Variants in SRPK1 observed in about 807,000 individuals in gnomAD.
SRPK1 encodes SRSF protein kinase 1, also known as SFRS protein kinase 1.
In SRPK1, 52 loss-of-function variants were observed where a neutral mutation model predicts 89.5. The ratio of observed to expected loss-of-function variants is 0.58; its 90% CI spans 0.46 to 0.73. The LOEUF is 0.73. Ranked by LOEUF, SRPK1 falls within the 30% of genes least tolerant of loss-of-function variation. SRPK1 has a pLI of 0.00. For synonymous variants in SRPK1, 255 were observed against 270.2 expected (o/e 0.94, Z 0.55); for missense variants, 603 against 780.6 (o/e 0.77, Z 2.71).
intron 13 of SRPK1, among the ~76,000 whole-genome samples, chr6:35,845,338 A>T (rs1769404886): frequency 6.6e-6 from 1 of 152,170 alleles, no homozygotes; most frequent in Non-Finnish European, 1.5e-5. Flanking sequence ...ACAGTTGGGG[A>T]GGCTCTGTGT....
intron 14 of SRPK1, among the ~76,000 whole-genome samples, chr6:35,842,100 A>G (rs1473326997): frequency 6.6e-6 from 1 of 152,234 alleles, no homozygotes; most frequent in Non-Finnish European, 1.5e-5. Context: ...AAAGAATGCT[A>G]AATTTTGGCA....
intron 14 of SRPK1, 51 bp from the exon 15 acceptor site, chr6:35,838,480 G>C: frequency 6.8e-7 from 1 of 1,478,992 alleles, no homozygotes; most frequent in Non-Finnish European, 9.1e-7. Flanking sequence ...TCCGTAACAA[G>C]AGTAACAAAT....
intron 7 of SRPK1, among the ~76,000 whole-genome samples, chr6:35,873,061 T>C (rs1312401369): frequency 6.6e-6 from 1 of 152,138 alleles, no homozygotes; most frequent in Non-Finnish European, 1.5e-5. Flanking sequence ...CTGACAGACA[T>C]TTAGATATCT....
chr6:35,845,906 G>C (rs1769416333), intron 13 of SRPK1, among the ~76,000 whole-genome samples: 1 of 152,172 alleles, frequency 6.6e-6, no homozygotes, highest in Non-Finnish European at 1.5e-5. Flanking sequence ...ATTAAGAAAG[G>C]CTGAAGTGCT....
At position 35,838,381 on chromosome 6, in the gene SRPK1, A is replaced by C; in HGVS notation, c.1739T>G (p.Leu580Arg). 6.3e-7 allele frequency: 1 copy of C among 1,581,646 alleles called. No homozygotes were observed. Among genetic ancestry groups the C allele is most frequent in the Non-Finnish European group, 8.5e-7 (1 of 1,171,776 alleles). Residue 580 changes from leucine to arginine, a missense_variant, in exon 15 of 16, where the codon CTC becomes CGC. Transcript: ENST00000373825. ...CTTGGAATATTTTCCTGCCACAATG[A>C]GCTTGCGAGGCACCTTCCCCAGAAG... ...IELLGKVPRK[L>R]IVAGKYSKEF...
chr6:35,877,444 G>C (rs570722751), intron 6 of SRPK1, among the ~76,000 whole-genome samples: 1 of 152,156 alleles, frequency 6.6e-6, no homozygotes, highest in African/African-American at 2.4e-5. Flanking sequence ...AACTGACTTA[G>C]AACCATCACA....
chr6:35,846,992 G>A (rs1175630246), intron 13 of SRPK1, among the ~76,000 whole-genome samples: 4 of 152,128 alleles, frequency 2.6e-5, no homozygotes, highest in Non-Finnish European at 5.9e-5. Context: ...AGGTATAGAA[G>A]GAATGTACCT....
intron 6 of SRPK1, among the ~76,000 whole-genome samples, chr6:35,880,746 A>AAAAAAAAAAAAAAAAAAAGAAAG (rs1770263877): frequency 2.2e-5 from 2 of 89,200 alleles, no homozygotes; most frequent in Admixed American, 1.2e-4. Context: ...AAAAAAAAAA[A>AAAAAAAAAAAAAAAAAAAGAAAG]AAAAGAAAAG....
chr6:35,838,300 T>C, intron 15 of SRPK1, 37 bp downstream of exon 15: 1 of 1,426,654 alleles, frequency 7.0e-7, no homozygotes, highest in Non-Finnish European at 9.4e-7. Flanking sequence ...TTTAAACACT[T>C]CTGCCTCCTT....
At chr6:35,920,871 G>T in intron 1 of SRPK1, 173 bp downstream of exon 1, 1 of 642,238 alleles carries the variant, frequency 1.6e-6, no homozygotes, top group Non-Finnish European at 2.4e-6. Flanking sequence ...CCCGGACTGA[G>T]GGGCGCGGAC....
intron 14 of SRPK1, 58 bp downstream of exon 14, chr6:35,842,477 A>C: frequency 7.3e-7 from 1 of 1,366,926 alleles, no homozygotes; most frequent in African/African-American, 1.5e-5. Flanking sequence ...AAATGATGTT[A>C]GCTTAATGTG....
intron 2 of SRPK1, among the ~76,000 whole-genome samples, chr6:35,910,633 C>T (rs1298905165): frequency 6.6e-6 from 1 of 152,170 alleles, no homozygotes; most frequent in Non-Finnish European, 1.5e-5. Context: ...AAGATGATGC[C>T]ATCTAGGACT....
chr6:35,851,987 CT>C (rs1432367419), intron 13 of SRPK1, among the ~76,000 whole-genome samples: 5 of 152,334 alleles, frequency 3.3e-5, no homozygotes, highest in African/African-American at 9.6e-5. Flanking sequence ...GTTATATGAA[CT>C]GACATGTACA....
intron 13 of SRPK1, among the ~76,000 whole-genome samples, chr6:35,855,757 G>A (rs571558881): frequency 2.0e-4 from 31 of 151,936 alleles, no homozygotes; most frequent in Non-Finnish European, 4.3e-4. Flanking sequence ...TGGTTTTTTC[G>A]ATGTTTCATT....
intron 2 of SRPK1, among the ~76,000 whole-genome samples, chr6:35,899,933 A>G (rs1770706373): frequency 6.6e-6 from 1 of 151,778 alleles, no homozygotes; most frequent in Non-Finnish European, 1.5e-5. Context: ...CCTGGGAGGC[A>G]GAGGTTGCAG....
Position 35,835,375 on chromosome 6 carries a change from T to C in SRPK1, c.1897A>G (p.Met633Val), listed in dbSNP as rs1375768451. ...AAGFTDFLLPMLELIPEKRAT... is the reference protein window; with the variant it reads ...AAGFTDFLLPVLELIPEKRAT... Reference sequence around the variant, plus strand: ...CTCTTCTCAGGGATCAGCTCCAACATGGGCAGTAAGAAATCTGTGAAGCCA... The same window carrying C: ...CTCTTCTCAGGGATCAGCTCCAACACGGGCAGTAAGAAATCTGTGAAGCCA... The change falls in exon 16 of 16, where the codon ATG (methionine) becomes GTG (valine). Residue 633 changes from methionine to valine, a missense_variant. By Grantham distance (21) the Met-to-Val change is conservative (BLOSUM62 1). Transcript: ENST00000373825. The C allele has an allele frequency of 1.9e-6, 3 of 1,613,704 alleles. No individual in the cohort carries two copies. The highest frequency in any genetic ancestry group is 1.7e-5 in the Admixed American group (1 of 59,980).
rs556252306 is a variant in SRPK1, at chr6:35,867,879, C to T, written c.1512+1131G>A. 1.6e-4 allele frequency among the ~76,000 whole-genome samples: 25 copies of T among 152,244 alleles called. No individual in the cohort carries two copies. In the East Asian group the frequency reaches 4.0e-3, roughly 25 times the overall value. ...GTAAAAAACAACAGTATAAATAATT[C>T]GCCAATTAAAATGAGATTCCACTAT... is the stretch of plus-strand genomic sequence containing the variant. On this transcript the variant is annotated intron_variant, in intron 12 of 15. Transcript: ENST00000373825.
intron 2 of SRPK1, among the ~76,000 whole-genome samples, chr6:35,915,992 ATATAT>A (rs1381488305): frequency 1.6e-5 from 1 of 62,162 alleles, no homozygotes; most frequent in African/African-American, 8.5e-5. Flanking sequence ...AAAAAAAAAA[ATATAT>A]ACACACACAC....
At chr6:35,863,636 G>A (rs966828900) in intron 12 of SRPK1, among the ~76,000 whole-genome samples, 1 of 149,388 alleles carries the variant, frequency 6.7e-6, no homozygotes, top group Non-Finnish European at 1.5e-5. Context: ...GGGGGAGGTG[G>A]AGGGGGAGGG....
Sources: gnomAD v4.1 joint callset for allele counts (sites outside exome capture counted in the v4.1 genomes callset) on GRCh38, gnomAD v4.1.1 for gene constraint, MANE v1.5 for transcripts, NCBI Gene and HGNC (gene_info 2026-07-23, HGNC 2026-07-21) for gene names.